The following AOAH variants were observed in gnomAD, a reference collection of about 807,000 sequenced individuals.
The protein encoded by AOAH is acyloxyacyl hydrolase.
In AOAH, 64 loss-of-function variants were observed where a neutral mutation model predicts 92.2. That is an observed-to-expected ratio of 0.69 (90% confidence interval 0.57 to 0.86). The LOEUF (loss-of-function observed/expected upper bound fraction) is 0.86, where lower values mean the gene tolerates loss of function less well. Ranked by LOEUF, AOAH falls within the 40% of genes least tolerant of loss-of-function variation. The probability of loss-of-function intolerance (pLI) is 0.00; values close to 1 mark genes in which losing one functional copy is unlikely to be tolerated. For synonymous variants in AOAH, 263 were observed against 254.5 expected (o/e 1.03, Z -0.32); for missense variants, 656 against 694.6 (o/e 0.94, Z 0.62).
intron 13 of AOAH, among the ~76,000 whole-genome samples, chr7:36,573,207 G>A (rs1192902889): frequency 1.3e-5 from 2 of 152,196 alleles, no homozygotes; most frequent in Non-Finnish European, 2.9e-5. Flanking sequence ...AAGGACCAGA[G>A]GAGCCAGCCA....
chr7:36,691,236 A>G lies in AOAH; in HGVS notation c.128-4442T>C, dbSNP rs1012117547. The stretch of plus-strand genomic sequence containing the variant: ...TATTACTCTCATTTTACAGATGAGC[A>G]CATGGAGGCTGAGTGGATAAGTACC... On this transcript the variant is annotated intron_variant, in intron 1 of 20. Transcript: ENST00000617537. Among the ~76,000 whole-genome samples, 32 of 152,254 alleles carry G rather than the reference A, an allele frequency of 2.1e-4. 1 individual carries two copies. The highest frequency in any genetic ancestry group is 7.7e-4 in the African/African-American group (32 of 41,468).
At position 36,516,046 on chromosome 7, in the gene AOAH, CACACACACCACACACT is replaced by C. The variant is rs1476810250; in HGVS notation, c.1600-2682_1600-2667del. Among the ~76,000 whole-genome samples the C allele has an allele frequency of 2.0e-5, 3 of 150,102 alleles. No individual in the cohort carries two copies. The highest frequency in any genetic ancestry group is 2.2e-4 in the South Asian group (1 of 4,640). On this transcript the variant is annotated intron_variant, in intron 20 of 20. Coordinates refer to ENST00000617537, the MANE Select transcript of AOAH (RefSeq NM_001637.4). The surrounding 1 kb of genome is among the most constrained non-coding windows in gnomAD (Gnocchi z 5.0). ...ACACAACACATAAATACGTCACACACACACACACCACACACTACACACACCACACGCCACATACACA... is the reference window on the plus strand; with the variant it reads ...ACACAACACATAAATACGTCACACACACACACACCACACGCCACATACACA...
chr7:36,621,258 A>G (rs961546901), intron 8 of AOAH, among the ~76,000 whole-genome samples: 1 of 152,220 alleles, frequency 6.6e-6, no homozygotes, highest in Non-Finnish European at 1.5e-5. Context: ...CAGAGATGCA[A>G]TTGAACCTCA....
intron 3 of AOAH, among the ~76,000 whole-genome samples, chr7:36,665,992 A>G (rs1446274383): frequency 6.6e-6 from 1 of 152,064 alleles, no homozygotes; most frequent in Non-Finnish European, 1.5e-5. Context: ...CATGAGAGAT[A>G]TTGGTCTGTA....
intron 5 of AOAH, among the ~76,000 whole-genome samples, chr7:36,636,489 A>T (rs372847690): frequency 6.6e-6 from 1 of 152,224 alleles, no homozygotes; most frequent in East Asian, 1.9e-4. Flanking sequence ...ATTGTTCTCC[A>T]TTTCTGCTCA....
chr7:36,528,346 T>C lies in AOAH; in HGVS notation c.1522+2072A>G, dbSNP rs542133530. ...ACTTTTTGCTTTTTCACTGTGTTTA[T>C]TATTGCTGTGAGGACAAGAAAGGGC... On this transcript the variant is annotated intron_variant, in intron 19 of 20. Transcript: ENST00000617537. 9.8e-5 allele frequency among the ~76,000 whole-genome samples: 15 copies of C among 152,346 alleles called. No individual in the cohort carries two copies. In the South Asian group the frequency reaches 3.1e-3, roughly 32 times the overall value.
intron 3 of AOAH, among the ~76,000 whole-genome samples, chr7:36,660,842 T>C (rs1795177262): frequency 6.6e-6 from 1 of 152,234 alleles, no homozygotes; most frequent in Admixed American, 6.5e-5. Flanking sequence ...TTATTACATT[T>C]TGAAGCAAAT....
At chr7:36,546,843 G>T (rs1785834106) in intron 15 of AOAH, among the ~76,000 whole-genome samples, 1 of 152,196 alleles carries the variant, frequency 6.6e-6, no homozygotes, top group African/African-American at 2.4e-5. Flanking sequence ...GCTCCTTGAT[G>T]TCAGGGACTG....
chr7:36,674,004 G>T lies in AOAH; in HGVS notation c.229C>A (p.Leu77Met). The T allele has an allele frequency of 1.3e-6, 2 of 1,598,102 alleles. No individual in the cohort carries two copies. The highest frequency in any genetic ancestry group is 1.7e-6 in the Non-Finnish European group (2 of 1,166,642). Reference sequence around the variant, plus strand: ...AAATAGCAGGTGGTTTTCAAGAACAGTTTTTCTAAAAAATATAAAGAGGGA... The same window carrying T: ...AAATAGCAGGTGGTTTTCAAGAACATTTTTTCTAAAAAATATAAAGAGGGA... ...ERLCSYLPEK[L>M]FLKTTCYLVI... is the part of the protein sequence containing the mutation. Residue 77 changes from leucine (L) to methionine (M), a missense_variant, in exon 3 of 21, where the codon CTG becomes ATG. Coordinates refer to ENST00000617537, the MANE Select transcript of AOAH (RefSeq NM_001637.4).
At chr7:36,693,844 T>C (rs564268519) in intron 1 of AOAH, among the ~76,000 whole-genome samples, 3 of 152,352 alleles carry the variant, frequency 2.0e-5, no homozygotes, top group Non-Finnish European at 4.4e-5. Context: ...AGCATCACTT[T>C]TGTTCCTCTT....
At chr7:36,552,921 G>C (rs1224291633) in intron 13 of AOAH, among the ~76,000 whole-genome samples, 1 of 151,666 alleles carries the variant, frequency 6.6e-6, no homozygotes, top group Non-Finnish European at 1.5e-5. Flanking sequence ...TTTTATGGCT[G>C]CATAGAATTC....
intron 1 of AOAH, among the ~76,000 whole-genome samples, chr7:36,689,546 T>C (rs577968166): frequency 6.6e-6 from 1 of 151,852 alleles, no homozygotes; most frequent in Admixed American, 6.6e-5. Flanking sequence ...GGGCCCCTGG[T>C]GAATAGAATA....
chr7:36,585,720 A>G (rs1789275166), intron 12 of AOAH, among the ~76,000 whole-genome samples: 1 of 152,192 alleles, frequency 6.6e-6, no homozygotes, highest in African/African-American at 2.4e-5. Flanking sequence ...GATAGCCTTT[A>G]TGGGAAAATC....
At chr7:36,567,067 C>T (rs191359680) in intron 13 of AOAH, among the ~76,000 whole-genome samples, 1 of 152,234 alleles carries the variant, frequency 6.6e-6, no homozygotes, top group Admixed American at 6.5e-5. Context: ...CCACCTCGGC[C>T]TCTCAAAGTG....
chr7:36,690,416 C>G (rs1329189363), intron 1 of AOAH, among the ~76,000 whole-genome samples: 1 of 152,146 alleles, frequency 6.6e-6, no homozygotes, highest in African/African-American at 2.4e-5. Flanking sequence ...AGTGGGCTCA[C>G]CTCCCCTTCC....
intron 1 of AOAH, among the ~76,000 whole-genome samples, chr7:36,720,695 T>C (rs1463858700): frequency 6.6e-6 from 1 of 152,218 alleles, no homozygotes; most frequent in African/African-American, 2.4e-5. Context: ...AGGACTGTAA[T>C]CTTTACAAGG....
At chr7:36,679,932 C>T (rs951168402) in intron 2 of AOAH, among the ~76,000 whole-genome samples, 1 of 152,180 alleles carries the variant, frequency 6.6e-6, no homozygotes, top group African/African-American at 2.4e-5. Flanking sequence ...GCTGGGATTA[C>T]AGGCATGAGC....
At chr7:36,651,859 A>G (rs111276198) in intron 4 of AOAH, among the ~76,000 whole-genome samples, 5 of 152,372 alleles carry the variant, frequency 3.3e-5, no homozygotes, top group African/African-American at 1.2e-4. Context: ...AATTAGAGAT[A>G]TCAGTATGAG....
intron 13 of AOAH, among the ~76,000 whole-genome samples, chr7:36,569,688 G>A (rs549630039): frequency 1.3e-5 from 2 of 151,942 alleles, no homozygotes; most frequent in East Asian, 3.9e-4. Flanking sequence ...TCAGCTCACT[G>A]CAACCTCCGC....
Sources: gnomAD v4.1 joint callset for allele counts (sites outside exome capture counted in the v4.1 genomes callset) on GRCh38, gnomAD v4.1.1 for gene constraint, Gnocchi (gnomAD v3.1) non-coding constraint, MANE v1.5 for transcripts, NCBI Gene and HGNC (gene_info 2026-07-23, HGNC 2026-07-21) for gene names.